The following CHST9 variants were observed in gnomAD, a reference collection of about 807,000 sequenced individuals.
CHST9 encodes GalNAc-4-sulfotransferase 2.
CHST9 carries 41 observed loss-of-function variants against 44.4 expected under a neutral mutation model. That is an observed-to-expected ratio of 0.92 (90% CI 0.72 to 1.20). The LOEUF (loss-of-function observed/expected upper bound fraction) is 1.20, where lower values mean the gene tolerates loss of function less well. Among genes scored for constraint, CHST9 ranks in the 50% most tolerant of loss-of-function variants. The probability of loss-of-function intolerance (pLI) is 0.00; values close to 1 mark genes in which losing one functional copy is unlikely to be tolerated. For synonymous variants in CHST9, 171 were observed against 178.4 expected (o/e 0.96, Z 0.33); for missense variants, 504 against 516.5 (o/e 0.98, Z 0.23).
At chr18:27,171,249 G>A (rs9304504) in intron 1 of CHST9, among the ~76,000 whole-genome samples, 9,721 of 152,242 alleles carry the variant, frequency 0.064, 1,017 homozygotes, top group African/African-American at 0.22. Flanking sequence ...CAATCAAAAA[G>A]TGGCTTATGA....
Position 26,909,760 on chromosome 18 carries a change from G to A in CHST9, c.*6499C>T, listed in dbSNP as rs900125037. On this transcript the variant is annotated 3_prime_UTR_variant, in exon 6 of 6. Coordinates refer to ENST00000618847, the MANE Select transcript of CHST9 (RefSeq NM_031422.6). ...TCCACCTCTCTAAGTATAGAAGTGGGGGGAGGAGTAGGAGGAGTAGGAGGA... is the reference window on the plus strand; with the variant it reads ...TCCACCTCTCTAAGTATAGAAGTGGAGGGAGGAGTAGGAGGAGTAGGAGGA... The A allele has an allele frequency of 6.6e-6, 1 of 152,204 alleles. No individual in the cohort carries two copies. Among genetic ancestry groups the A allele is most frequent in the Non-Finnish European group, 1.5e-5 (1 of 68,084 alleles). 9.4% of individuals were successfully genotyped at this position (152,204 alleles called of 1,614,324 possible). A position where few individuals can be genotyped will look rare whatever the true frequency, so the allele number is the denominator to read the frequency against.
chr18:27,165,725 A>G (rs1385974419), intron 1 of CHST9, among the ~76,000 whole-genome samples: 2 of 152,196 alleles, frequency 1.3e-5, no homozygotes, highest in African/African-American at 4.8e-5. Flanking sequence ...TTTCTTTTAA[A>G]GGAGCTAATT....
Position 26,972,945 on chromosome 18 carries a change from C to T in CHST9, c.203-28579G>A, listed in dbSNP as rs1233495133. Among the ~76,000 whole-genome samples, 6 of 152,218 alleles carry T rather than the reference C, an allele frequency of 3.9e-5. No homozygotes were observed. The East Asian group carries it at 9.6e-4, about 24-fold the overall frequency. On this transcript the variant is annotated intron_variant, in intron 4 of 5. Coordinates refer to ENST00000618847, the MANE Select transcript of CHST9 (RefSeq NM_031422.6). ...GAGCTTCACCCTCTGGCTTCACCCC[C>T]TGGCACCCCGCTCCTCGTTTACTGA...
At position 27,100,284 on chromosome 18, in the gene CHST9, G is replaced by A. The variant is rs532375733; in HGVS notation, c.121+42405C>T. Among the ~76,000 whole-genome samples, 13 of 152,240 alleles carry A rather than the reference G, an allele frequency of 8.5e-5. No homozygotes were observed. The East Asian group carries it at 2.5e-3, about 29-fold the overall frequency. ...GTGAGGAGGGAGGATGGAGCCAATG[G>A]TTGAAAAACCAACTGTTGGGTACTA... On this transcript the variant is annotated intron_variant, in intron 2 of 5. Coordinates refer to ENST00000618847, the MANE Select transcript of CHST9 (RefSeq NM_031422.6).
intron 1 of CHST9, among the ~76,000 whole-genome samples, chr18:27,155,703 T>C (rs1433824595): frequency 1.3e-5 from 2 of 152,168 alleles, no homozygotes; most frequent in Non-Finnish European, 2.9e-5. Flanking sequence ...CCATTTAGTA[T>C]AGGACATGGT....
intron 4 of CHST9, among the ~76,000 whole-genome samples, chr18:26,973,485 C>T (rs977958128): frequency 6.6e-5 from 10 of 152,246 alleles, no homozygotes; most frequent in African/African-American, 1.2e-4. Flanking sequence ...TTAGATCAAG[C>T]TTATCCAACC....
intron 5 of CHST9, among the ~76,000 whole-genome samples, chr18:26,925,387 C>T (rs1359247137): frequency 6.6e-6 from 1 of 152,174 alleles, no homozygotes; most frequent in Non-Finnish European, 1.5e-5. Flanking sequence ...AGATTAAGAA[C>T]CTGAGCTCAG....
intron 4 of CHST9, among the ~76,000 whole-genome samples, chr18:26,981,504 T>C (rs1398286728): frequency 6.6e-6 from 1 of 152,212 alleles, no homozygotes; most frequent in East Asian, 1.9e-4. Flanking sequence ...ATTTCCATTG[T>C]AATGAGCACT....
At chr18:26,961,295 A>G (rs1259425364) in intron 4 of CHST9, among the ~76,000 whole-genome samples, 2 of 152,252 alleles carry the variant, frequency 1.3e-5, no homozygotes, top group African/African-American at 2.4e-5. Flanking sequence ...CAATGTGTAT[A>G]ACTAATATGT....
At chr18:26,990,460 T>C (rs1177015767) in intron 4 of CHST9, among the ~76,000 whole-genome samples, 1 of 152,200 alleles carries the variant, frequency 6.6e-6, no homozygotes, top group Non-Finnish European at 1.5e-5. Flanking sequence ...TTTTTATAAG[T>C]ATGTTATGCT....
chr18:27,019,162 A>G (rs894375610), intron 4 of CHST9, among the ~76,000 whole-genome samples: 3 of 152,316 alleles, frequency 2.0e-5, no homozygotes, highest in Admixed American at 2.0e-4. Flanking sequence ...TAGGTAAACA[A>G]TAGTCCATTT....
intron 1 of CHST9, among the ~76,000 whole-genome samples, chr18:27,156,174 G>A (rs1287606625): frequency 1.5e-4 from 22 of 150,764 alleles, no homozygotes; most frequent in Admixed American, 1.3e-3. Context: ...AAAAAAAACA[G>A]TGAAAAAAGA....
At chr18:26,977,509 A>G (rs2056638145) in intron 4 of CHST9, among the ~76,000 whole-genome samples, 1 of 152,154 alleles carries the variant, frequency 6.6e-6, no homozygotes, top group African/African-American at 2.4e-5. Flanking sequence ...CAAGGCTGCC[A>G]TGCTAGTTAA....
At chr18:27,007,440 G>T (rs1270796057) in intron 4 of CHST9, among the ~76,000 whole-genome samples, 1 of 152,158 alleles carries the variant, frequency 6.6e-6, no homozygotes, top group Non-Finnish European at 1.5e-5. Flanking sequence ...AGCACTAATG[G>T]CATATCAATA....
At chr18:26,933,106 A>C (rs1380222685) in intron 5 of CHST9, 1 of 153,798 alleles carries the variant, frequency 6.5e-6, no homozygotes, top group African/African-American at 2.4e-5. Flanking sequence ...AATTTGCAAA[A>C]GAACCTGTGA....
chr18:27,145,946 G>C (rs1276138462), intron 1 of CHST9, among the ~76,000 whole-genome samples: 3 of 152,156 alleles, frequency 2.0e-5, no homozygotes, highest in African/African-American at 7.2e-5. Flanking sequence ...ATTCAGAAAG[G>C]AGGAAACCAG....
At chr18:26,985,196 A>C (rs2056740004) in intron 4 of CHST9, among the ~76,000 whole-genome samples, 1 of 152,320 alleles carries the variant, frequency 6.6e-6, no homozygotes. Context: ...ATGCAACAAC[A>C]TGGATGAATT....
intron 4 of CHST9, among the ~76,000 whole-genome samples, chr18:27,000,492 T>G (rs989961359): frequency 6.6e-6 from 1 of 152,196 alleles, no homozygotes; most frequent in African/African-American, 2.4e-5. Context: ...TCAAAATTAA[T>G]TTGTCGGGCA....
chr18:27,003,715 T>C (rs1216642152), intron 4 of CHST9, among the ~76,000 whole-genome samples: 1 of 152,016 alleles, frequency 6.6e-6, no homozygotes, highest in African/African-American at 2.4e-5. Flanking sequence ...GAAAAGAAAA[T>C]GAATTAAATT....
Sources: allele counts gnomAD v4.1 joint callset (sites outside exome capture counted in the v4.1 genomes callset), GRCh38; gene constraint gnomAD v4.1.1; transcripts MANE v1.5; gene names NCBI Gene and HGNC (gene_info 2026-07-23, HGNC 2026-07-21).